PHF24: variants seen among roughly 807,000 people sequenced by gnomAD.
The protein encoded by PHF24 is PHD finger protein 24, also known as Galpha inhibitory interacting protein.
A neutral mutation model predicts 42.6 loss-of-function variants in PHF24; 25 were observed. That is an observed-to-expected ratio of 0.59 (90% CI 0.43 to 0.82). The LOEUF is 0.82. Among genes scored for constraint, PHF24 ranks in the 40% least tolerant of loss-of-function variants. The pLI, the probability that PHF24 is intolerant of heterozygous loss-of-function variation, is 0.00. For synonymous variants in PHF24, 185 were observed against 204.8 expected (o/e 0.90, Z 0.83); for missense variants, 470 against 538.1 (o/e 0.87, Z 1.25).
At chr9:34,896,343 G>T in the PHF24 span, among the ~76,000 whole-genome samples, 2 of 152,330 alleles carry the variant, frequency 1.3e-5, no homozygotes, top group East Asian at 3.9e-4. Context: ...TCAAGGAAAG[G>T]ACAAAGCTGA....
At chr9:34,703,223 G>T in the PHF24 span, among the ~76,000 whole-genome samples, 1 of 151,476 alleles carries the variant, frequency 6.6e-6, no homozygotes, top group Non-Finnish European at 1.5e-5. Context: ...TGCCCAGGCT[G>T]GAGCGCAATG....
chr9:34,818,313 C>G, the PHF24 span, among the ~76,000 whole-genome samples: 1 of 152,122 alleles, frequency 6.6e-6, no homozygotes, highest in Non-Finnish European at 1.5e-5. Context: ...AGCTGTAGGA[C>G]TTCTGTAGAT....
At chr9:34,735,694 G>A in the PHF24 span, among the ~76,000 whole-genome samples, 1 of 151,758 alleles carries the variant, frequency 6.6e-6, no homozygotes, top group Non-Finnish European at 1.5e-5. Context: ...AGCTACTCAG[G>A]AGGCTGAGAC....
the PHF24 span, chr9:34,689,908 G>C: frequency 1.9e-6 from 3 of 1,613,952 alleles, no homozygotes; most frequent in South Asian, 3.3e-5. This position sits in a 1 kb window ranked among gnomAD's most constrained non-coding sequence, Gnocchi z 4.1. Flanking sequence ...GAGGAGACAG[G>C]GCCAGGGAGG....
chr9:34,774,197 G>C, the PHF24 span, among the ~76,000 whole-genome samples: 2 of 152,104 alleles, frequency 1.3e-5, no homozygotes, highest in African/African-American at 4.8e-5. Context: ...TGATTTCTTG[G>C]CTATGACACC....
At chr9:34,698,122 C>A in the PHF24 span, among the ~76,000 whole-genome samples, 4 of 151,936 alleles carry the variant, frequency 2.6e-5, no homozygotes, top group South Asian at 4.2e-4. Flanking sequence ...AAATTCTAGA[C>A]CTTGTAAACA....
At chr9:34,693,595 A>G in the PHF24 span, among the ~76,000 whole-genome samples, 1 of 152,222 alleles carries the variant, frequency 6.6e-6, no homozygotes, top group Non-Finnish European at 1.5e-5. Context: ...GATATGTGCT[A>G]AAGTTTGAGA....
chr9:34,921,636 C>A, the PHF24 span, among the ~76,000 whole-genome samples: 1 of 152,170 alleles, frequency 6.6e-6, no homozygotes, highest in Non-Finnish European at 1.5e-5. Flanking sequence ...ACAGCTTTGT[C>A]TAAAGGAACA....
chr9:34,971,409 A>C, exon 2 of PHF24: 1 of 1,614,134 alleles, frequency 6.2e-7, no homozygotes, highest in Non-Finnish European at 8.5e-7. Context: ...TCCGACGCAC[A>C]GGTGAGCTGC....
chr9:34,896,275 C>G, the PHF24 span, among the ~76,000 whole-genome samples: 1 of 152,122 alleles, frequency 6.6e-6, no homozygotes, highest in South Asian at 2.1e-4. Context: ...TTTAATGCCA[C>G]CAGCAATGAT....
At chr9:34,676,239 T>A in the PHF24 span, among the ~76,000 whole-genome samples, 4 of 152,078 alleles carry the variant, frequency 2.6e-5, no homozygotes, top group African/African-American at 9.7e-5. Flanking sequence ...GAGGTAGAAG[T>A]TGGGCTGGGC....
the PHF24 span, among the ~76,000 whole-genome samples, chr9:34,913,582 C>G: frequency 6.6e-6 from 1 of 152,062 alleles, no homozygotes; most frequent in Non-Finnish European, 1.5e-5. Flanking sequence ...AAAATTAAAC[C>G]TAGCAAAGTT....
At chr9:34,743,301 G>GTAGTTTAGTAGTAAACTCTATAA in the PHF24 span, among the ~76,000 whole-genome samples, 2 of 152,342 alleles carry the variant, frequency 1.3e-5, no homozygotes, top group South Asian at 2.1e-4. Context: ...ACCTTTAGGT[G>GTAGTTTAGTAGTAAACTCTATAA]AGGACCAGTT....
At chr9:34,713,997 G>C in the PHF24 span, among the ~76,000 whole-genome samples, 9 of 152,282 alleles carry the variant, frequency 5.9e-5, no homozygotes, top group South Asian at 1.0e-3. Context: ...GAAGGCATGG[G>C]GTTGAAGATG....
the PHF24 span, among the ~76,000 whole-genome samples, chr9:34,744,257 A>C: frequency 1.3e-5 from 2 of 152,242 alleles, no homozygotes; most frequent in African/African-American, 4.8e-5. Context: ...ACAAAGCTCA[A>C]TTGGATATCA....
chr9:34,853,338 T>A, the PHF24 span, among the ~76,000 whole-genome samples: 1 of 152,330 alleles, frequency 6.6e-6, no homozygotes, highest in East Asian at 1.9e-4. Context: ...GATAAGCTTT[T>A]TGATGTGCTG....
chr9:34,853,566 C>T, the PHF24 span, among the ~76,000 whole-genome samples: 11 of 151,370 alleles, frequency 7.3e-5, no homozygotes, highest in African/African-American at 9.7e-5. Flanking sequence ...CGGTGGCTCA[C>T]GCCTGTAATC....
At chr9:34,870,269 A>G in the PHF24 span, among the ~76,000 whole-genome samples, 11 of 152,232 alleles carry the variant, frequency 7.2e-5, no homozygotes, top group South Asian at 6.2e-4. Context: ...GGAAGTGTGC[A>G]TTCTATGGAT....
the PHF24 span, among the ~76,000 whole-genome samples, chr9:34,788,137 A>C: frequency 6.6e-6 from 1 of 152,086 alleles, no homozygotes; most frequent in African/African-American, 2.4e-5. Context: ...TCCCAGGCTC[A>C]AGCAATCCTC....
Sources: gnomAD v4.1 joint callset for allele counts (sites outside exome capture counted in the v4.1 genomes callset) on GRCh38, gnomAD v4.1.1 for gene constraint, Gnocchi (gnomAD v3.1) non-coding constraint, MANE v1.5 for transcripts, NCBI Gene and HGNC (gene_info 2026-07-23, HGNC 2026-07-21) for gene names.